CCDC150: variants seen among roughly 807,000 people sequenced by gnomAD.
The protein encoded by CCDC150 is coiled-coil domain containing 150.
In CCDC150, 151 loss-of-function variants were observed where a neutral mutation model predicts 156.5. That is an observed-to-expected ratio of 0.97 (90% CI 0.85 to 1.10). The LOEUF is 1.10. Among genes scored for constraint, CCDC150 ranks in the 50% least tolerant of loss-of-function variants. The probability of loss-of-function intolerance (pLI) is 0.00; values close to 1 mark genes in which losing one functional copy is unlikely to be tolerated. For synonymous variants in CCDC150, 452 were observed against 429.4 expected (o/e 1.05, Z -0.65); for missense variants, 1,312 against 1,268.1 (o/e 1.03, Z -0.53).
intron 15 of CCDC150, among the ~76,000 whole-genome samples, chr2:196,707,041 G>A (rs1410437646): frequency 6.6e-6 from 1 of 152,154 alleles, no homozygotes; most frequent in African/African-American, 2.4e-5. Flanking sequence ...GTGTTAGGGA[G>A]GATTCCCTCT....
intron 17 of CCDC150, chr2:196,713,690 G>T: frequency 7.2e-7 from 1 of 1,393,224 alleles, no homozygotes; most frequent in African/African-American, 1.5e-5. Context: ...CTCGGTAAGT[G>T]AAGACCACAA....
intron 5 of CCDC150, among the ~76,000 whole-genome samples, chr2:196,661,879 G>A (rs1362436943): frequency 1.3e-5 from 2 of 152,090 alleles, no homozygotes; most frequent in Non-Finnish European, 2.9e-5. Flanking sequence ...TTAAAAAGGT[G>A]GCCAGCTGAA....
intron 14 of CCDC150, among the ~76,000 whole-genome samples, chr2:196,695,659 C>T (rs889693933): frequency 2.6e-5 from 4 of 152,106 alleles, no homozygotes; most frequent in East Asian, 1.9e-4. Context: ...CTGGCTAACA[C>T]GGTGAAACCC....
intron 7 of CCDC150, chr2:196,667,550 A>G (rs1693919499): frequency 6.6e-6 from 1 of 152,576 alleles, no homozygotes; most frequent in Admixed American, 6.5e-5. Flanking sequence ...TGATTAATAC[A>G]TCATGGTTTA....
intron 1 of CCDC150, among the ~76,000 whole-genome samples, chr2:196,645,468 C>T (rs991552456): frequency 4.6e-5 from 7 of 152,300 alleles, no homozygotes; most frequent in African/African-American, 1.7e-4. Context: ...CGAACACTAT[C>T]GCTAGAAATG....
At position 196,712,665 on chromosome 2, in the gene CCDC150, T is replaced by G; in HGVS notation, c.1804-12T>G. The G allele has an allele frequency of 1.2e-6, 2 of 1,603,060 alleles. No homozygotes were observed. Among genetic ancestry groups the G allele is most frequent in the Non-Finnish European group, 1.7e-6 (2 of 1,174,114 alleles). ...TTGTGAGGAACAAGTATCTTTGTTT[T>G]TTGAATTAAAGGCAAACTCAGAACT... On this transcript the variant is annotated splice_polypyrimidine_tract_variant and intron_variant, in intron 16 of 27. Coordinates refer to ENST00000389175, the MANE Select transcript of CCDC150 (RefSeq NM_001080539.2).
intron 1 of CCDC150, among the ~76,000 whole-genome samples, chr2:196,644,591 C>T (rs1373813306): frequency 8.5e-5 from 13 of 152,084 alleles, no homozygotes; most frequent in African/African-American, 7.2e-5. Context: ...AGCCCCACTT[C>T]GAATATTTTG....
intron 13 of CCDC150, among the ~76,000 whole-genome samples, chr2:196,694,052 A>ATTT (rs57421391): frequency 2.5e-5 from 2 of 79,436 alleles, no homozygotes; most frequent in African/African-American, 5.2e-5. Context: ...TTTGTGGAAG[A>ATTT]TTTTTTTTTT....
chr2:196,680,383 AC>A (rs935083972), intron 13 of CCDC150, among the ~76,000 whole-genome samples: 2 of 151,400 alleles, frequency 1.3e-5, no homozygotes, highest in Admixed American at 6.6e-5. Flanking sequence ...TGCAGCCTCC[AC>A]CCCCCCAGGC....
intron 21 of CCDC150, among the ~76,000 whole-genome samples, chr2:196,724,434 A>G (rs562871686): frequency 6.6e-6 from 1 of 152,326 alleles, no homozygotes; most frequent in Non-Finnish European, 1.5e-5. Context: ...TTTTAGAGCT[A>G]GATGATGATG....
At chr2:196,642,207 A>G (rs961103843) in intron 1 of CCDC150, among the ~76,000 whole-genome samples, 1 of 152,222 alleles carries the variant, frequency 6.6e-6, no homozygotes, top group East Asian at 1.9e-4. Context: ...TTCAAACACA[A>G]CAAAGCACAG....
At chr2:196,660,188 A>G (rs140795839) in intron 5 of CCDC150, among the ~76,000 whole-genome samples, 108 of 152,268 alleles carry the variant, frequency 7.1e-4, no homozygotes, top group African/African-American at 2.6e-3. Flanking sequence ...TGTATGTACC[A>G]CAATTTGTTT....
intron 13 of CCDC150, among the ~76,000 whole-genome samples, chr2:196,678,362 A>C (rs963029566): frequency 6.6e-6 from 1 of 152,180 alleles, no homozygotes; most frequent in African/African-American, 2.4e-5. Flanking sequence ...TAAACTTTTA[A>C]TTTAAGGATT....
Position 196,658,780 on chromosome 2 carries a change from T to C in CCDC150, c.577-12T>C. On this transcript the variant is annotated splice_polypyrimidine_tract_variant and intron_variant, in intron 4 of 27. Transcript: ENST00000389175. ...TCAGATTATTTAGAATCTTTTCTCCTTCTACTTTTAGAAGAATGCAGCCAT... is the reference window on the plus strand; with the variant it reads ...TCAGATTATTTAGAATCTTTTCTCCCTCTACTTTTAGAAGAATGCAGCCAT... The C allele has an allele frequency of 6.3e-7, 1 of 1,579,894 alleles. No homozygotes were observed. Among genetic ancestry groups the C allele is most frequent in the Non-Finnish European group, 8.7e-7 (1 of 1,155,614 alleles).
intron 12 of CCDC150, 105 bp downstream of exon 12, chr2:196,676,836 G>T: frequency 1.0e-6 from 1 of 1,002,648 alleles, no homozygotes. Context: ...CCCAGATGCA[G>T]TTTGTCTGAG....
chr2:196,670,841 T>G (rs1431983529), intron 8 of CCDC150, among the ~76,000 whole-genome samples: 4 of 152,102 alleles, frequency 2.6e-5, no homozygotes, highest in Non-Finnish European at 4.4e-5. Context: ...TAATAAACAG[T>G]TTTCAAAAAA....
At chr2:196,702,393 CTCTCA>C (rs1188074747) in intron 15 of CCDC150, among the ~76,000 whole-genome samples, 2 of 141,842 alleles carry the variant, frequency 1.4e-5, no homozygotes, top group African/African-American at 5.0e-5. Flanking sequence ...AGGTCTCACT[CTCTCA>C]TCCAGGCTGG....
chr2:196,688,382 T>C (rs1695240714), intron 13 of CCDC150, among the ~76,000 whole-genome samples: 1 of 152,208 alleles, frequency 6.6e-6, no homozygotes, highest in African/African-American at 2.4e-5. Flanking sequence ...AGTTCATTCA[T>C]GATTTGGCTG....
At position 196,731,962 on chromosome 2, in the gene CCDC150, C is replaced by T; in HGVS notation, c.3070-71C>T. ...CTTTTAATTTCTAAGTAAAAAATCT[C>T]TGCAACTAATACACAAAAAAACTTG... On this transcript the variant is annotated intron_variant, in intron 26 of 27. Coordinates refer to ENST00000389175, the MANE Select transcript of CCDC150 (RefSeq NM_001080539.2). The T allele has an allele frequency of 3.4e-6, 5 of 1,469,516 alleles. No individual in the cohort carries two copies. The South Asian group carries it at 6.3e-5, about 19-fold the overall frequency. The allele number at this position is 1,469,516 out of a possible 1,614,324, so 91.0% of individuals were successfully genotyped here. A position where few individuals can be genotyped will look rare whatever the true frequency, so the allele number is the denominator to read the frequency against.
Sources: gnomAD v4.1 joint callset for allele counts (sites outside exome capture counted in the v4.1 genomes callset) on GRCh38, gnomAD v4.1.1 for gene constraint, MANE v1.5 for transcripts, NCBI Gene and HGNC (gene_info 2026-07-23, HGNC 2026-07-21) for gene names.